NHSL2: variants seen among roughly 807,000 people sequenced by gnomAD.
NHSL2 encodes the protein NHS-like protein 2.
Under a neutral mutation model 53.4 loss-of-function variants are expected in NHSL2, and 27 were observed. The ratio of observed to expected loss-of-function variants is 0.51; its 90% CI spans 0.37 to 0.70. NHSL2 has a LOEUF of 0.70. Ranked by LOEUF, NHSL2 falls within the 30% of genes least tolerant of loss-of-function variation. NHSL2 has a pLI of 0.00. For synonymous variants in NHSL2, 408 were observed against 404.1 expected (o/e 1.01, Z -0.12); for missense variants, 892 against 980.1 (o/e 0.91, Z 1.20).
intron 5 of NHSL2, 35 bp downstream of exon 5, chrX:72,137,260 C>T (rs2042363826): frequency 8.9e-7 from 1 of 1,121,924 alleles, no homozygotes; most frequent in Non-Finnish European, 1.2e-6. Flanking sequence ...CAGTCCCTTC[C>T]CCTTACCCAC....
At chrX:71,963,215 A>G (rs1421836325) in intron 1 of NHSL2, among the ~76,000 whole-genome samples, 2 of 110,840 alleles carry the variant, frequency 1.8e-5, no homozygotes, top group African/African-American at 6.6e-5. Flanking sequence ...AAAGTGGTAA[A>G]TTAATCTGTT....
intron 1 of NHSL2, among the ~76,000 whole-genome samples, chrX:71,928,763 C>T (rs1025958770): frequency 8.1e-5 from 9 of 111,055 alleles, no homozygotes; most frequent in African/African-American, 2.3e-4. Flanking sequence ...GTGGTTTGGA[C>T]ATCCAGTCCA....
At position 72,140,212 on chromosome X, in the gene NHSL2, A is replaced by AC; in HGVS notation, c.2666dup (p.Ser890IlefsTer4). 2 of 1,210,230 alleles carry AC rather than the reference A, an allele frequency of 1.7e-6. No individual in the cohort carries two copies. Among genetic ancestry groups the AC allele is most frequent in the Non-Finnish European group, 2.2e-6 (2 of 894,721 alleles). ...GGCCTCCAAGCTTGGTCCACAAGCC[A>AC]CCATCTGTTCCTGAGGAGTATGCAC... is the stretch of plus-strand genomic sequence containing the variant. On this transcript the variant is annotated frameshift_variant, in exon 6 of 8. Coordinates refer to ENST00000633930, the MANE Select transcript of NHSL2 (RefSeq NM_001013627.3). LOFTEE classifies it high-confidence loss of function.
At chrX:71,981,948 C>T (rs909249821) in intron 1 of NHSL2, among the ~76,000 whole-genome samples, 11 of 111,588 alleles carry the variant, frequency 9.9e-5, no homozygotes, top group Non-Finnish European at 1.9e-4. Context: ...CCCAGGTTAC[C>T]GTATGACCCA....
At chrX:72,134,843 C>T in intron 4 of NHSL2, 139 bp downstream of exon 4, 1 of 497,377 alleles carries the variant, frequency 2.0e-6, no homozygotes, top group Non-Finnish European at 3.3e-6. Context: ...GGTCATGGCT[C>T]TTGCCAGGGA....
At chrX:72,113,379 C>G (rs1002216056) in intron 1 of NHSL2, among the ~76,000 whole-genome samples, 6 of 111,094 alleles carry the variant, frequency 5.4e-5, no homozygotes, top group Admixed American at 9.6e-5. Context: ...AATGCTGAAC[C>G]CTGCTGTTGT....
At chrX:71,967,527 T>G (rs2041906418) in intron 1 of NHSL2, among the ~76,000 whole-genome samples, 1 of 111,922 alleles carries the variant, frequency 8.9e-6, no homozygotes, top group African/African-American at 3.2e-5. Flanking sequence ...CTCTTGAGAT[T>G]TTTTCTTTGA....
Position 72,137,126 on chromosome X carries a change from C to T in NHSL2, c.793C>T (p.His265Tyr). Residue 265 changes from histidine (H) to tyrosine (Y), a missense_variant, in exon 5 of 8, where the codon CAC becomes TAC. Transcript: ENST00000633930. ...GTTTGATAAACATGCAAGTTTGCGA[C>T]ACTCGTTGTTTAACACAGAGACAGC... ...QQFDKHASLR[H>Y]SLFNTETAVN... is the part of the protein sequence containing the mutation. The T allele has an allele frequency of 1.7e-6, 2 of 1,164,516 alleles. No homozygotes were observed. The highest frequency in any genetic ancestry group is 3.3e-5 in the East Asian group (1 of 30,707).
chrX:72,128,804 TAGA>T (rs1476311781), intron 1 of NHSL2: 1 of 113,035 alleles, frequency 8.8e-6, no homozygotes, highest in Non-Finnish European at 1.9e-5. Flanking sequence ...ACTCCAAGGA[TAGA>T]AAGTGTCCTG....
chrX:71,920,988 A>G (rs1335266388), intron 1 of NHSL2, among the ~76,000 whole-genome samples: 16 of 108,873 alleles, frequency 1.5e-4, no homozygotes, highest in Non-Finnish European at 2.9e-4. Context: ...TATTTTTAGT[A>G]GAGACGGGGT....
intron 1 of NHSL2, among the ~76,000 whole-genome samples, chrX:72,083,513 A>T (rs781501866): frequency 2.5e-4 from 28 of 112,489 alleles, no homozygotes; most frequent in Non-Finnish European, 3.0e-4. Context: ...AAGCTAGAGC[A>T]GGCCTCAGGC....
At position 72,143,715 on chromosome X, in the gene NHSL2, G is replaced by A; in HGVS notation, c.*141G>A. ...CTCACACTCTGGACAGCAGGAGAGA[G>A]GCTACTTCATCTAGAGCTAAAATCA... On this transcript the variant is annotated 3_prime_UTR_variant, in exon 8 of 8. Transcript: ENST00000633930. 2.4e-6 allele frequency: 1 copy of A among 424,686 alleles called. No homozygotes were observed. The highest frequency in any genetic ancestry group is 4.6e-5 in the South Asian group (1 of 21,676). The allele number at this position is 424,686 out of a possible 1,213,427, so 35.0% of individuals were successfully genotyped here. A position where few individuals can be genotyped will look rare whatever the true frequency, so the allele number is the denominator to read the frequency against.
At position 71,959,714 on chromosome X, in the gene NHSL2, C is replaced by T. The variant is rs183506574; in HGVS notation, c.280+48347C>T. On this transcript the variant is annotated intron_variant, in intron 1 of 7. Transcript: ENST00000633930. ...ACCTACTCTGGACATTTCATATAAA[C>T]GATATTATATGTCTTCTTTTTAAAA... Among the ~76,000 whole-genome samples the T allele has an allele frequency of 1.6e-4, 18 of 111,830 alleles. No homozygotes were observed. The East Asian group carries it at 4.2e-3, about 26-fold the overall frequency.
chrX:71,961,123 T>C (rs1425140712), intron 1 of NHSL2, among the ~76,000 whole-genome samples: 1 of 111,931 alleles, frequency 8.9e-6, no homozygotes, highest in Non-Finnish European at 1.9e-5. Flanking sequence ...TTCATAAGTA[T>C]TTTATTCTTT....
At chrX:72,072,851 G>T (rs1204904054) in intron 1 of NHSL2, among the ~76,000 whole-genome samples, 1 of 111,752 alleles carries the variant, frequency 8.9e-6, no homozygotes, top group Non-Finnish European at 1.9e-5. Context: ...TAGGGCAAGG[G>T]CTACAATTTG....
At chrX:72,028,671 T>G (rs1476588207) in intron 1 of NHSL2, among the ~76,000 whole-genome samples, 1 of 111,046 alleles carries the variant, frequency 9.0e-6, no homozygotes, top group Non-Finnish European at 1.9e-5. Flanking sequence ...GGCACTAGAG[T>G]GGGTACATCT....
At chrX:72,046,448 G>A (rs1473565431) in intron 1 of NHSL2, among the ~76,000 whole-genome samples, 1 of 112,269 alleles carries the variant, frequency 8.9e-6, no homozygotes, top group Non-Finnish European at 1.9e-5. Flanking sequence ...CCTCCTGAGG[G>A]CTGATATGAG....
intron 1 of NHSL2, among the ~76,000 whole-genome samples, chrX:72,063,297 C>T (rs753017235): frequency 8.0e-5 from 9 of 112,839 alleles, no homozygotes; most frequent in Non-Finnish European, 1.7e-4. Context: ...ACATCACTGC[C>T]TTTCTGGTCA....
intron 1 of NHSL2, among the ~76,000 whole-genome samples, chrX:71,948,220 TG>T (rs2041802263): frequency 8.9e-6 from 1 of 112,418 alleles, no homozygotes; most frequent in Non-Finnish European, 1.9e-5. Flanking sequence ...ACTGTTGTGT[TG>T]AGGCAGTTTG....
Sources: gnomAD v4.1 joint callset for allele counts (sites outside exome capture counted in the v4.1 genomes callset) on GRCh38, gnomAD v4.1.1 for gene constraint, MANE v1.5 for transcripts, NCBI Gene and HGNC (gene_info 2026-07-23, HGNC 2026-07-21) for gene names.